The following CHAF1B variants were observed in gnomAD, a reference collection of about 807,000 sequenced individuals.
CHAF1B encodes CAF-1 subunit B.
In CHAF1B, 10 loss-of-function variants were observed where a neutral mutation model predicts 60.7. That is an observed-to-expected ratio of 0.16 (90% CI 0.10 to 0.28). The LOEUF (loss-of-function observed/expected upper bound fraction) is 0.28, where lower values mean the gene tolerates loss of function less well. Among genes scored for constraint, CHAF1B ranks in the 10% least tolerant of loss-of-function variants. The pLI is 1.00. For missense variants in CHAF1B, 558 were observed against 708.4 expected (o/e 0.79, Z 2.41); for synonymous variants, 261 against 266.1 (o/e 0.98, Z 0.19).
intron 8 of CHAF1B, among the ~76,000 whole-genome samples, chr21:36,404,759 TA>T (rs2086223681): frequency 5.6e-5 from 2 of 35,776 alleles, no homozygotes; most frequent in Admixed American, 3.0e-4. Context: ...TTTTTTTTTT[TA>T]AAAAGCAGAG....
In CHAF1B at chr21:36,413,007, T is replaced by C; in HGVS notation, c.1185T>C (p.Pro395=). ...AGCCAGTTTTGAACATGAGAACTCCTGATACAGCAAAGAAAACCAAGAGTC... is the reference window on the plus strand; with the variant it reads ...AGCCAGTTTTGAACATGAGAACTCCCGATACAGCAAAGAAAACCAAGAGTC... ...KEKPVLNMRT[P]DTAKKTKSQT... The change falls in exon 12 of 14, where the codon CCT becomes CCC. Residue 395 remains proline, a synonymous_variant. Transcript: ENST00000314103. The C allele has an allele frequency of 6.2e-7, 1 of 1,614,196 alleles. No individual in the cohort carries two copies. The highest frequency in any genetic ancestry group is 8.5e-7 in the Non-Finnish European group (1 of 1,180,036).
At chr21:36,399,473 C>A in intron 6 of CHAF1B, 48 bp from the exon 7 acceptor site, 1 of 1,512,224 alleles carries the variant, frequency 6.6e-7, no homozygotes, top group Non-Finnish European at 9.2e-7. Context: ...CTGTGTGAAG[C>A]ATAATTCATT....
intron 12 of CHAF1B, among the ~76,000 whole-genome samples, chr21:36,414,655 G>A (rs766775614): frequency 3.3e-5 from 5 of 151,698 alleles, no homozygotes; most frequent in Admixed American, 6.6e-5. Context: ...TCTGTTGCCC[G>A]GGCTGGAGTG....
At chr21:36,401,090 A>C (rs2146368191) in intron 7 of CHAF1B, among the ~76,000 whole-genome samples, 1 of 152,108 alleles carries the variant, frequency 6.6e-6, no homozygotes, top group South Asian at 2.1e-4. Context: ...AACATGGTGA[A>C]ACCCTGTCTC....
chr21:36,414,379 G>T (rs2835342), intron 12 of CHAF1B, among the ~76,000 whole-genome samples: 15,150 of 152,164 alleles, frequency 0.1, 844 homozygotes, highest in African/African-American at 0.13. Context: ...TATGTGTATG[G>T]GTTGCTGGCT....
In CHAF1B at chr21:36,394,631, C is replaced by T. The variant is rs1348791372; in HGVS notation, c.462C>T (p.Ile154=). The part of the protein sequence containing the change: ...MASASVDNTA[I]IWDVSKGQKI... ...CTGCCTCTGTGGATAACACAGCCAT[C>T]ATATGGGATGTCAGCAAAGGTAAAT... is the stretch of plus-strand genomic sequence containing the variant. The change falls in exon 5 of 14, where the codon ATC becomes ATT. Residue 154 remains isoleucine (I), a synonymous_variant. Coordinates refer to ENST00000314103, the MANE Select transcript of CHAF1B (RefSeq NM_005441.3). 6.2e-7 allele frequency: 1 copy of T among 1,608,920 alleles called. No individual in the cohort carries two copies. Among genetic ancestry groups the T allele is most frequent in the Non-Finnish European group, 8.5e-7 (1 of 1,176,162 alleles).
chr21:36,391,685 C>A lies in CHAF1B; in HGVS notation c.377+17C>A. On this transcript the variant is annotated intron_variant, in intron 4 of 13. Transcript: ENST00000314103. ...GACTCTGCGGTAACTTGGGAGGGAC[C>A]ATGGCAGTGATCTCTGTTTACGATG... 6.8e-7 allele frequency: 1 copy of A among 1,462,538 alleles called. No homozygotes were observed. The highest frequency in any genetic ancestry group is 1.1e-5 in the South Asian group (1 of 87,942). 90.6% of individuals were successfully genotyped at this position (1,462,538 alleles called of 1,614,324 possible).
intron 7 of CHAF1B, 115 bp from the exon 8 acceptor site, chr21:36,402,643 C>A: frequency 1.3e-6 from 1 of 746,778 alleles, no homozygotes; most frequent in Admixed American, 2.2e-5. Context: ...ACCATAGGCA[C>A]ATATAGCAGT....
chr21:36,401,998 C>A lies in CHAF1B; in HGVS notation c.664-760C>A, dbSNP rs535791702. 3.9e-5 allele frequency among the ~76,000 whole-genome samples: 6 copies of A among 152,212 alleles called. No homozygotes were observed. The East Asian group carries it at 1.2e-3, about 29-fold the overall frequency. On this transcript the variant is annotated intron_variant, in intron 7 of 13. Coordinates refer to ENST00000314103, the MANE Select transcript of CHAF1B (RefSeq NM_005441.3). The stretch of plus-strand genomic sequence containing the variant: ...TCAAGTGATCCGCCCGCCTTGGCCT[C>A]CCAAAGTGCTGGGATTACAGGTGTG...
chr21:36,398,476 C>T (rs747380139), intron 6 of CHAF1B, among the ~76,000 whole-genome samples: 10 of 152,170 alleles, frequency 6.6e-5, no homozygotes, highest in Non-Finnish European at 1.0e-4. Context: ...TCTCCTGCCT[C>T]ATCCTCCTGA....
At chr21:36,411,432 G>T in intron 10 of CHAF1B, 31 bp from the exon 11 acceptor site, 1 of 1,611,922 alleles carries the variant, frequency 6.2e-7, no homozygotes, top group Non-Finnish European at 8.5e-7. Context: ...TGTTTCTGTG[G>T]TTTTACTTTG....
intron 3 of CHAF1B, among the ~76,000 whole-genome samples, chr21:36,389,455 A>G (rs2086064203): frequency 6.6e-6 from 1 of 151,880 alleles, no homozygotes; most frequent in African/African-American, 2.4e-5. Flanking sequence ...AAAATACAAA[A>G]ATTAGCTGGG....
rs1386525910 is a variant in CHAF1B at position 36,402,851 on chromosome 21, G to T, written c.757G>T (p.Ala253Ser). 1 of 1,612,516 alleles carries T rather than the reference G, an allele frequency of 6.2e-7. No individual in the cohort carries two copies. Among genetic ancestry groups the T allele is most frequent in the African/African-American group, 1.3e-5 (1 of 75,024 alleles). The change falls in exon 8 of 14, where the codon GCT becomes TCT. Residue 253 changes from alanine (A) to serine (S), a missense_variant and splice_region_variant. By Grantham distance (99) the Ala-to-Ser change is moderately conservative (BLOSUM62 1). Transcript: ENST00000314103. ...CGACGGATCTTTGCTTCTCACGCCA[G>T]GTGTGTTTCGTAGCTTTGGACTTAA... ...TPDGSLLLTP[A>S]GCVESGENVM...
chr21:36,409,142 A>G (rs2086258302), intron 9 of CHAF1B, among the ~76,000 whole-genome samples: 1 of 145,574 alleles, frequency 6.9e-6, no homozygotes, highest in Admixed American at 6.9e-5. Flanking sequence ...GGCATGAGTC[A>G]TTGCACCCGG....
chr21:36,389,988 G>C (rs13048698), intron 3 of CHAF1B, among the ~76,000 whole-genome samples: 72,234 of 151,806 alleles, frequency 0.48, 19,256 homozygotes, highest in African/African-American at 0.74. Context: ...CCAATGGCAT[G>C]TTAACCAAGC....
intron 12 of CHAF1B, among the ~76,000 whole-genome samples, chr21:36,414,889 AG>A (rs1377437056): frequency 1.3e-5 from 2 of 152,330 alleles, no homozygotes; most frequent in African/African-American, 2.4e-5. Flanking sequence ...CTGGGATTAC[AG>A]GTGCGAACCA....
At chr21:36,397,343 G>C (rs1278969993) in intron 5 of CHAF1B, 72 bp from the exon 6 acceptor site, 1 of 664,052 alleles carries the variant, frequency 1.5e-6, no homozygotes, top group Non-Finnish European at 2.5e-6. Flanking sequence ...TTAAGTCATA[G>C]TTTATACTAT....
At chr21:36,401,803 C>T (rs1021073486) in intron 7 of CHAF1B, among the ~76,000 whole-genome samples, 35 of 151,458 alleles carry the variant, frequency 2.3e-4, no homozygotes, top group African/African-American at 6.5e-4. Flanking sequence ...TGCAGTGGCA[C>T]GATCTTGGCT....
At chr21:36,404,873 A>G (rs1168227287) in intron 8 of CHAF1B, among the ~76,000 whole-genome samples, 1 of 150,364 alleles carries the variant, frequency 6.7e-6, no homozygotes, top group Non-Finnish European at 1.5e-5. Flanking sequence ...CCTCCTGAGT[A>G]GCTGAGATTA....
Sources: allele counts gnomAD v4.1 joint callset (sites outside exome capture counted in the v4.1 genomes callset), GRCh38; gene constraint gnomAD v4.1.1; transcripts MANE v1.5; gene names NCBI Gene and HGNC (gene_info 2026-07-23, HGNC 2026-07-21).